Variants in PSD2 observed in about 807,000 individuals in gnomAD.
PSD2 encodes PH and SEC7 domain-containing protein 2.
In PSD2, 38 loss-of-function variants were observed where a neutral mutation model predicts 69.8. The observed-to-expected ratio is 0.54, with a 90% confidence interval of 0.42 to 0.71. The LOEUF (loss-of-function observed/expected upper bound fraction) is 0.71, where lower values mean the gene tolerates loss of function less well. Ranked by LOEUF, PSD2 falls within the 30% of genes least tolerant of loss-of-function variation. PSD2 has a pLI of 0.00. For synonymous variants in PSD2, 412 were observed against 423.0 expected, an observed-to-expected ratio of 0.97 and a Z score of 0.32; for missense variants, 943 against 1,014.5, an observed-to-expected ratio of 0.93 and a Z score of 0.96.
chr5:139,835,852 C>G, intron 9 of PSD2, 86 bp downstream of exon 9: 1 of 1,306,124 alleles, frequency 7.7e-7, no homozygotes, highest in Non-Finnish European at 1.1e-6. Flanking sequence ...ATTCTGACCA[C>G]TCTCCATGGT....
upstream of PSD2, among the ~76,000 whole-genome samples, chr5:139,795,593 C>T (rs1283409462): frequency 6.6e-6 from 1 of 151,984 alleles, no homozygotes; most frequent in Non-Finnish European, 1.5e-5. The surrounding 1 kb of genome is among the most constrained non-coding windows in gnomAD (Gnocchi z 4.5). Flanking sequence ...AGGGCCCGCG[C>T]GGGGCAGAGG....
intron 1 of PSD2, among the ~76,000 whole-genome samples, chr5:139,805,171 A>G (rs970144258): frequency 6.6e-6 from 1 of 152,188 alleles, no homozygotes; most frequent in Non-Finnish European, 1.5e-5. Context: ...TGTGTCTTAT[A>G]GAGCATGCTG....
At chr5:139,824,747 A>C (rs1760372952) in intron 7 of PSD2, among the ~76,000 whole-genome samples, 1 of 152,120 alleles carries the variant, frequency 6.6e-6, no homozygotes, top group Non-Finnish European at 1.5e-5. Context: ...AAGAATGTGA[A>C]GTAAAGCTCG....
intron 9 of PSD2, among the ~76,000 whole-genome samples, chr5:139,836,044 T>TA (rs1760709336): frequency 6.6e-6 from 1 of 152,366 alleles, no homozygotes; most frequent in South Asian, 2.1e-4. Flanking sequence ...TATATGGGGA[T>TA]AGTGTTCCAA....
chr5:139,828,054 T>TGAC (rs2126956345), intron 7 of PSD2, among the ~76,000 whole-genome samples: 1 of 152,088 alleles, frequency 6.6e-6, no homozygotes, highest in Admixed American at 6.5e-5. Flanking sequence ...CTGGTGATGA[T>TGAC]GGGTGATGAC....
intron 12 of PSD2, 103 bp from the exon 13 acceptor site, chr5:139,838,525 G>A: frequency 7.7e-7 from 1 of 1,290,322 alleles, no homozygotes. Context: ...TAGAGGTACT[G>A]GTGCCTTCTC....
chr5:139,838,684 T>C lies in PSD2; in HGVS notation c.1880T>C (p.Phe627Ser). The C allele has an allele frequency of 6.2e-7, 1 of 1,613,994 alleles. No homozygotes were observed. Among genetic ancestry groups the C allele is most frequent in the Non-Finnish European group, 8.5e-7 (1 of 1,179,938 alleles). The change falls in exon 13 of 15, where the codon TTC becomes TCC. Residue 627 changes from phenylalanine (F) to serine (S), a missense_variant. Phe to Ser is a radical substitution (Grantham distance 155, BLOSUM62 -2). Transcript: ENST00000274710. ...AGGATCAACCTGGTGGCAGCCATCT[T>C]CTCTGCCCCGGCCTTCCCAGCCGCT... ...ILRINLVAAI[F>S]SAPAFPAAVS... is the part of the protein sequence containing the mutation.
intron 4 of PSD2, among the ~76,000 whole-genome samples, chr5:139,816,642 T>C (rs1250143269): frequency 6.6e-6 from 1 of 152,222 alleles, no homozygotes; most frequent in Non-Finnish European, 1.5e-5. Context: ...TGACAAGAAT[T>C]CCTCATGCCA....
At position 139,804,905 on chromosome 5, in the gene PSD2, G is replaced by A. The variant is rs183697995; in HGVS notation, c.-50-4486G>A. Among the ~76,000 whole-genome samples the A allele has an allele frequency of 1.1e-3, 166 of 151,938 alleles. 1 individual carries two copies. Among genetic ancestry groups the A allele is most frequent in the East Asian group, 5.2e-3 (27 of 5,162 alleles). On this transcript the variant is annotated intron_variant, in intron 1 of 14. Coordinates refer to ENST00000274710, the MANE Select transcript of PSD2 (RefSeq NM_032289.4). ...TCTGTGTGCATGTGTGTGTGCGTGCGTGTGTGCATGTCTGTGAACGTGTGT... is the reference window on the plus strand; with the variant it reads ...TCTGTGTGCATGTGTGTGTGCGTGCATGTGTGCATGTCTGTGAACGTGTGT...
intron 1 of PSD2, among the ~76,000 whole-genome samples, chr5:139,799,665 T>C (rs145529096): frequency 4.5e-4 from 68 of 151,972 alleles, no homozygotes; most frequent in Non-Finnish European, 3.1e-4. Flanking sequence ...CAGGAGGCTG[T>C]GGCAGCACCC....
chr5:139,759,300 G>A, the PSD2 span, among the ~76,000 whole-genome samples: 4 of 151,922 alleles, frequency 2.6e-5, no homozygotes, highest in Non-Finnish European at 5.9e-5. Context: ...CCGCCCGCGC[G>A]CGCTCTCTCT....
chr5:139,786,341 C>T, the PSD2 span, among the ~76,000 whole-genome samples: 71 of 151,872 alleles, frequency 4.7e-4, no homozygotes, highest in African/African-American at 1.7e-3. Flanking sequence ...GAACAAAGAT[C>T]GCTGCCACTG....
chr5:139,799,294 T>G (rs1162845830), intron 1 of PSD2, among the ~76,000 whole-genome samples: 1 of 152,138 alleles, frequency 6.6e-6, no homozygotes, highest in Admixed American at 6.5e-5. Context: ...AACCCCTACA[T>G]CAGACCAGAT....
chr5:139,781,595 A>G, the PSD2 span, among the ~76,000 whole-genome samples: 2 of 150,464 alleles, frequency 1.3e-5, no homozygotes, highest in Non-Finnish European at 2.9e-5. Context: ...TTGGCTTCCC[A>G]AAGTGCTGGG....
At chr5:139,827,079 C>G (rs567717714) in intron 7 of PSD2, among the ~76,000 whole-genome samples, 1 of 152,198 alleles carries the variant, frequency 6.6e-6, no homozygotes, top group Non-Finnish European at 1.5e-5. Flanking sequence ...CTAGGTTACC[C>G]GAATCAATCT....
chr5:139,761,262 G>A, the PSD2 span, among the ~76,000 whole-genome samples: 1 of 152,204 alleles, frequency 6.6e-6, no homozygotes, highest in African/African-American at 2.4e-5. Flanking sequence ...TCAAGTCACA[G>A]AGAGGCGAAG....
the PSD2 span, among the ~76,000 whole-genome samples, chr5:139,758,750 G>A: frequency 6.6e-6 from 1 of 152,166 alleles, no homozygotes; most frequent in Non-Finnish European, 1.5e-5. Flanking sequence ...AGGGAGACAG[G>A]CCAGGGATTC....
intron 7 of PSD2, among the ~76,000 whole-genome samples, chr5:139,832,842 T>C (rs1337852171): frequency 6.6e-6 from 1 of 152,188 alleles, no homozygotes; most frequent in East Asian, 1.9e-4. Flanking sequence ...GTATGAATAT[T>C]AGGTGTTGGG....
chr5:139,757,370 C>T, the PSD2 span, among the ~76,000 whole-genome samples: 10 of 152,244 alleles, frequency 6.6e-5, no homozygotes, highest in Non-Finnish European at 1.2e-4. Context: ...GGTTCACAAG[C>T]TTCTTCAGCT....
Sources: allele counts gnomAD v4.1 joint callset (sites outside exome capture counted in the v4.1 genomes callset), GRCh38; gene constraint gnomAD v4.1.1; non-coding constraint Gnocchi (gnomAD v3.1); transcripts MANE v1.5; gene names NCBI Gene and HGNC (gene_info 2026-07-23, HGNC 2026-07-21).